MYO1D: variants seen among roughly 807,000 people sequenced by gnomAD.
The protein encoded by MYO1D is myosin ID.
In MYO1D, 83 loss-of-function variants were observed where a neutral mutation model predicts 122.0. The ratio of observed to expected loss-of-function variants is 0.68; its 90% CI spans 0.57 to 0.82. MYO1D has a LOEUF of 0.82. Among genes scored for constraint, MYO1D ranks in the 40% least tolerant of loss-of-function variants. The probability of loss-of-function intolerance (pLI) is 0.00; values close to 1 mark genes in which losing one functional copy is unlikely to be tolerated. For synonymous variants in MYO1D, 464 were observed against 446.9 expected (o/e 1.04, Z -0.48); for missense variants, 1,157 against 1,269.5 (o/e 0.91, Z 1.35).
intron 21 of MYO1D, among the ~76,000 whole-genome samples, chr17:32,515,440 T>C (rs1306587240): frequency 1.3e-5 from 2 of 152,146 alleles, no homozygotes; most frequent in African/African-American, 4.8e-5. Flanking sequence ...CACAAGTATG[T>C]GCCTCCATGC....
chr17:32,708,056 A>G (rs911648503), intron 16 of MYO1D, among the ~76,000 whole-genome samples: 2 of 152,234 alleles, frequency 1.3e-5, no homozygotes, highest in Non-Finnish European at 2.9e-5. Context: ...TCTACTCATC[A>G]GTACAACACT....
chr17:32,614,250 A>AT (rs2087743651), intron 20 of MYO1D, among the ~76,000 whole-genome samples: 1 of 42,138 alleles, frequency 2.4e-5, no homozygotes, highest in African/African-American at 9.4e-5. Flanking sequence ...CTGCCCTTCC[A>AT]TGCCCCCGCC....
At chr17:32,601,273 C>G (rs564183675) in intron 21 of MYO1D, among the ~76,000 whole-genome samples, 2 of 152,236 alleles carry the variant, frequency 1.3e-5, no homozygotes, top group Admixed American at 6.5e-5. Flanking sequence ...AGATGTGTAA[C>G]TCTCCCATTC....
intron 16 of MYO1D, among the ~76,000 whole-genome samples, chr17:32,683,988 C>T (rs1174790924): frequency 2.0e-5 from 3 of 152,162 alleles, no homozygotes; most frequent in African/African-American, 7.2e-5. Context: ...GCGCAATATT[C>T]GGGTGGGAGT....
rs557103866 is a variant in MYO1D, at chr17:32,644,981, T to A, written c.2596-6146A>T. 1.6e-4 allele frequency among the ~76,000 whole-genome samples: 24 copies of A among 152,356 alleles called. No individual in the cohort carries two copies. The East Asian group carries it at 3.7e-3, about 23-fold the overall frequency. ...TGATGTTAGCTGGTTATTTTGCTCATTAGTTGATGCAGTTTCTTCCTAGCA... is the reference window on the plus strand; with the variant it reads ...TGATGTTAGCTGGTTATTTTGCTCAATAGTTGATGCAGTTTCTTCCTAGCA... On this transcript the variant is annotated intron_variant, in intron 19 of 21. Transcript: ENST00000318217.
At chr17:32,661,164 T>TA (rs2088559737) in intron 16 of MYO1D, among the ~76,000 whole-genome samples, 1 of 152,228 alleles carries the variant, frequency 6.6e-6, no homozygotes. Context: ...AAGGGGGTCT[T>TA]TTCTGACAAC....
chr17:32,745,989 AAGACAGAGGCT>A (rs2089833371), intron 12 of MYO1D, among the ~76,000 whole-genome samples: 1 of 152,222 alleles, frequency 6.6e-6, no homozygotes, highest in Non-Finnish European at 1.5e-5. Context: ...CTGGGTGATT[AAGACAGAGGCT>A]AGGAGATTAA....
chr17:32,520,863 CA>C (rs1910111006), intron 21 of MYO1D, among the ~76,000 whole-genome samples: 1 of 152,210 alleles, frequency 6.6e-6, no homozygotes, highest in African/African-American at 2.4e-5. Context: ...TTCCAGAATT[CA>C]AACTGCACCA....
intron 3 of MYO1D, among the ~76,000 whole-genome samples, chr17:32,776,750 A>C (rs2090175793): frequency 6.6e-6 from 1 of 152,180 alleles, no homozygotes; most frequent in Admixed American, 6.5e-5. Context: ...AGCTGTATGG[A>C]ATTTCTCCTT....
intron 16 of MYO1D, among the ~76,000 whole-genome samples, chr17:32,670,802 G>A (rs866606044): frequency 3.9e-5 from 6 of 152,186 alleles, no homozygotes; most frequent in South Asian, 4.1e-4. Context: ...ACACTGGAGC[G>A]ATGATCTGAC....
chr17:32,779,445 G>C (rs2090213464), intron 2 of MYO1D, among the ~76,000 whole-genome samples: 1 of 150,664 alleles, frequency 6.6e-6, no homozygotes, highest in Admixed American at 6.6e-5. Flanking sequence ...TTATTAAATG[G>C]AAAAATTAGT....
At chr17:32,511,515 G>A (rs1296193516) in intron 21 of MYO1D, among the ~76,000 whole-genome samples, 4 of 150,070 alleles carry the variant, frequency 2.7e-5, no homozygotes, top group Non-Finnish European at 5.9e-5. Context: ...CTCCCCCCGC[G>A]AACTTCTCAT....
chr17:32,714,018 C>A (rs2089411785), intron 15 of MYO1D, among the ~76,000 whole-genome samples: 2 of 149,850 alleles, frequency 1.3e-5, no homozygotes, highest in Non-Finnish European at 3.0e-5. Context: ...TTACATGAAT[C>A]TTTAAAGTTT....
At chr17:32,675,190 G>C (rs2088789707) in intron 16 of MYO1D, among the ~76,000 whole-genome samples, 1 of 152,106 alleles carries the variant, frequency 6.6e-6, no homozygotes, top group African/African-American at 2.4e-5. Context: ...TCATAACAGT[G>C]GGTATCAGAA....
intron 1 of MYO1D, among the ~76,000 whole-genome samples, chr17:32,810,582 T>C (rs895809661): frequency 2.0e-5 from 3 of 151,710 alleles, no homozygotes; most frequent in Non-Finnish European, 2.9e-5. Flanking sequence ...GGTTCAAGGA[T>C]TCTCCAGCCT....
At chr17:32,575,814 G>C (rs1480696623) in intron 21 of MYO1D, among the ~76,000 whole-genome samples, 2 of 152,180 alleles carry the variant, frequency 1.3e-5, no homozygotes, top group African/African-American at 4.8e-5. Context: ...ATGATTCTTT[G>C]CTCAACTACC....
At chr17:32,808,966 C>T (rs938918037) in intron 1 of MYO1D, among the ~76,000 whole-genome samples, 3 of 152,152 alleles carry the variant, frequency 2.0e-5, no homozygotes, top group Admixed American at 6.5e-5. Flanking sequence ...TATAGCCATA[C>T]GTATATATGT....
At chr17:32,711,248 C>T (rs1045443502) in intron 16 of MYO1D, among the ~76,000 whole-genome samples, 4 of 152,126 alleles carry the variant, frequency 2.6e-5, no homozygotes, top group African/African-American at 9.7e-5. Flanking sequence ...CATCAACTAA[C>T]GAGCATTGAG....
At chr17:32,853,851 A>C (rs1203461275) in intron 1 of MYO1D, among the ~76,000 whole-genome samples, 1 of 152,246 alleles carries the variant, frequency 6.6e-6, no homozygotes, top group East Asian at 1.9e-4. Flanking sequence ...TAAATTATTG[A>C]AACAAACAGT....
Sources: gnomAD v4.1 joint callset for allele counts (sites outside exome capture counted in the v4.1 genomes callset) on GRCh38, gnomAD v4.1.1 for gene constraint, MANE v1.5 for transcripts, NCBI Gene and HGNC (gene_info 2026-07-23, HGNC 2026-07-21) for gene names.